The following PCDHGA10 variants were observed in gnomAD, a reference collection of about 807,000 sequenced individuals.
PCDHGA10 encodes the protein protocadherin gamma subfamily A, 10.
A neutral mutation model predicts 59.5 loss-of-function variants in PCDHGA10; 42 were observed. The ratio of observed to expected loss-of-function variants is 0.71; its 90% CI spans 0.55 to 0.91. The LOEUF (loss-of-function observed/expected upper bound fraction) is 0.91. Among genes scored for constraint, PCDHGA10 ranks in the 40% least tolerant of loss-of-function variants. The pLI, the probability that PCDHGA10 is intolerant of heterozygous loss-of-function variation, is 0.00. For synonymous variants in PCDHGA10, 511 were observed against 517.2 expected, an observed-to-expected ratio of 0.99 and a Z score of 0.16; for missense variants, 1,111 against 1,198.2, an observed-to-expected ratio of 0.93 and a Z score of 1.07.
At chr5:141,449,796 A>G (rs1358409274) in intron 1 of PCDHGA10, among the ~76,000 whole-genome samples, 2 of 151,590 alleles carry the variant, frequency 1.3e-5, no homozygotes, top group Admixed American at 6.6e-5. Context: ...TTATTCCTAA[A>G]TACCTCATTG....
intron 1 of PCDHGA10, chr5:141,421,627 T>C: frequency 6.2e-7 from 1 of 1,613,846 alleles, no homozygotes; most frequent in Non-Finnish European, 8.5e-7. Context: ...CGCCCCCAGC[T>C]TCCAGGAGGA....
intron 1 of PCDHGA10, among the ~76,000 whole-genome samples, chr5:141,492,409 C>T (rs1367119266): frequency 6.6e-6 from 1 of 152,230 alleles, no homozygotes. Context: ...TCCCCTCTGC[C>T]GCTCCCTCCG....
At position 141,485,561 on chromosome 5, in the gene PCDHGA10, GCCC is replaced by G; in HGVS notation, c.2437-9242_2437-9240del. ...AGAGATCGTAGATGTGAATGATCAC[GCCC>G]CCCGTTTTCCGCGGCAGCAGCTGGA... On this transcript the variant is annotated intron_variant, in intron 1 of 3. Transcript: ENST00000398610. This position sits in a 1 kb window ranked among gnomAD's most constrained non-coding sequence, Gnocchi z 5.7. 1 of 1,613,008 alleles carries G rather than the reference GCCC, an allele frequency of 6.2e-7. No homozygotes were observed.
intron 1 of PCDHGA10, chr5:141,418,598 T>G: frequency 6.2e-7 from 1 of 1,614,010 alleles, no homozygotes; most frequent in Non-Finnish European, 8.5e-7. Flanking sequence ...CCAGGACGTG[T>G]ACAGGGTTAG....
chr5:141,427,260 AC>A (rs1388196814), intron 1 of PCDHGA10: 1 of 456,770 alleles, frequency 2.2e-6, no homozygotes, highest in Admixed American at 2.3e-5. Flanking sequence ...TGGAGGCATG[AC>A]CAGCGAATGT....
At position 141,489,585 on chromosome 5, in the gene PCDHGA10, G is replaced by A; in HGVS notation, c.2437-5222G>A. 3 of 1,614,090 alleles carry A rather than the reference G, an allele frequency of 1.9e-6. No individual in the cohort carries two copies. Among genetic ancestry groups the A allele is most frequent in the Non-Finnish European group, 2.5e-6 (3 of 1,180,004 alleles). The stretch of plus-strand genomic sequence containing the variant: ...AGGTGGTGACTGAACACCCCCTGGA[G>A]CTAATCCGTGTAGAGGTAGAGATCC... On this transcript the variant is annotated intron_variant, in intron 1 of 3. Coordinates refer to ENST00000398610, the MANE Select transcript of PCDHGA10 (RefSeq NM_018913.3). The surrounding 1 kb of genome is among the most constrained non-coding windows in gnomAD (Gnocchi z 4.5).
At chr5:141,451,193 A>T (rs2098710240) in intron 1 of PCDHGA10, among the ~76,000 whole-genome samples, 1 of 152,208 alleles carries the variant, frequency 6.6e-6, no homozygotes, top group Non-Finnish European at 1.5e-5. Context: ...TGTGTAACAA[A>T]TTATCCCAAA....
rs886960965 is a variant in PCDHGA10, at chr5:141,414,700, A to G, written c.1525A>G (p.Ile509Val). 6.2e-7 allele frequency: 1 copy of G among 1,613,994 alleles called. No individual in the cohort carries two copies. The change falls in exon 1 of 4, where the codon ATA becomes GTA. Residue 509 changes from isoleucine to valine, a missense_variant. Coordinates refer to ENST00000398610, the MANE Select transcript of PCDHGA10 (RefSeq NM_018913.3). ...TIQGVPLSSY[I>V]SINSDTGVLY... is the part of the protein sequence containing the mutation. Reference sequence around the variant, plus strand: ...CCAGGGGGTACCTCTGTCCTCATACATATCCATCAACTCAGACACTGGCGT... The same window carrying G: ...CCAGGGGGTACCTCTGTCCTCATACGTATCCATCAACTCAGACACTGGCGT...
At chr5:141,488,062 T>C (rs1488970442) in intron 1 of PCDHGA10, among the ~76,000 whole-genome samples, 1 of 152,152 alleles carries the variant, frequency 6.6e-6, no homozygotes, top group Non-Finnish European at 1.5e-5. Flanking sequence ...AAATAAAATC[T>C]TTGTCTCCCA....
In PCDHGA10 at chr5:141,491,492, T is replaced by G. The variant is rs763487622; in HGVS notation, c.2437-3315T>G. On this transcript the variant is annotated intron_variant, in intron 1 of 3. Coordinates refer to ENST00000398610, the MANE Select transcript of PCDHGA10 (RefSeq NM_018913.3). This position sits in a 1 kb window ranked among gnomAD's most constrained non-coding sequence, Gnocchi z 6.9. ...AAGCAGTCCAGCCCCAACCTGCAGG[T>G]GAGCTCGGACGGCACGCTCAAGTAC... 3.1e-6 allele frequency: 5 copies of G among 1,614,024 alleles called. No homozygotes were observed. The highest frequency in any genetic ancestry group is 3.4e-6 in the Non-Finnish European group (4 of 1,180,006).
intron 1 of PCDHGA10, among the ~76,000 whole-genome samples, chr5:141,454,420 T>C (rs889393211): frequency 6.6e-6 from 1 of 152,218 alleles, no homozygotes; most frequent in African/African-American, 2.4e-5. Context: ...TATTTATTTA[T>C]TTAGAGACAG....
chr5:141,428,523 T>G, intron 1 of PCDHGA10: 1 of 278,554 alleles, frequency 3.6e-6, no homozygotes, highest in Non-Finnish European at 7.1e-6. Context: ...AAAGAAGATT[T>G]AATTTTCTCA....
At chr5:141,447,032 C>A (rs1412709585) in intron 1 of PCDHGA10, among the ~76,000 whole-genome samples, 1 of 149,498 alleles carries the variant, frequency 6.7e-6, no homozygotes, top group Admixed American at 6.6e-5. Context: ...TGTTTTTTTT[C>A]TGTGTCTGGA....
intron 1 of PCDHGA10, among the ~76,000 whole-genome samples, chr5:141,481,300 GA>G (rs998363845): frequency 3.3e-5 from 5 of 152,248 alleles, no homozygotes; most frequent in African/African-American, 1.2e-4. Context: ...TCATCTAAGG[GA>G]AAAACCTTCC....
At chr5:141,488,866 G>A (rs957501628) in intron 1 of PCDHGA10, among the ~76,000 whole-genome samples, 1 of 152,148 alleles carries the variant, frequency 6.6e-6, no homozygotes, top group African/African-American at 2.4e-5. Flanking sequence ...GAAGTGAGTG[G>A]GGAGGTAGGA....
chr5:141,494,100 G>A (rs559145191), intron 1 of PCDHGA10, among the ~76,000 whole-genome samples: 7 of 152,270 alleles, frequency 4.6e-5, no homozygotes, highest in South Asian at 2.1e-4. Flanking sequence ...ATTTTTCTCC[G>A]TCTCAGACAG....
chr5:141,462,431 T>G (rs1345184304), intron 1 of PCDHGA10, among the ~76,000 whole-genome samples: 1 of 152,246 alleles, frequency 6.6e-6, no homozygotes, highest in East Asian at 1.9e-4. Context: ...TGGTGAGTGT[T>G]GCTTACACAC....
At chr5:141,475,322 G>A (rs1352768659) in intron 1 of PCDHGA10, among the ~76,000 whole-genome samples, 1 of 152,204 alleles carries the variant, frequency 6.6e-6, no homozygotes, top group African/African-American at 2.4e-5. Flanking sequence ...CTTAAGAAAT[G>A]AGAGCTAACA....
At position 141,413,588 on chromosome 5, in the gene PCDHGA10, A is replaced by G; in HGVS notation, c.413A>G (p.Gln138Arg). Residue 138 changes from glutamine (Q) to arginine (R), a missense_variant, in exon 1 of 4, where the codon CAA (glutamine) becomes CGA (arginine). Gln to Arg is a conservative substitution (Grantham distance 43, BLOSUM62 1). Transcript: ENST00000398610. ...ATCAATGACAATGCTCCAAAATTCCAAGCAGAAAATCTAGACGTAAAAATT... is the reference window on the plus strand; with the variant it reads ...ATCAATGACAATGCTCCAAAATTCCGAGCAGAAAATCTAGACGTAAAAATT... ...TDINDNAPKF[Q>R]AENLDVKINE... The G allele has an allele frequency of 6.2e-7, 1 of 1,613,922 alleles. No individual in the cohort carries two copies. Among genetic ancestry groups the G allele is most frequent in the Non-Finnish European group, 8.5e-7 (1 of 1,179,898 alleles).
Sources: gnomAD v4.1 joint callset for allele counts (sites outside exome capture counted in the v4.1 genomes callset) on GRCh38, gnomAD v4.1.1 for gene constraint, Gnocchi (gnomAD v3.1) non-coding constraint, MANE v1.5 for transcripts, NCBI Gene and HGNC (gene_info 2026-07-23, HGNC 2026-07-21) for gene names.